IL31RA: variants seen among roughly 807,000 people sequenced by gnomAD.
The protein encoded by IL31RA is interleukin 31 receptor A.
A neutral mutation model predicts 83.7 loss-of-function variants in IL31RA; 66 were observed. The ratio of observed to expected loss-of-function variants is 0.79; its 90% confidence interval spans 0.65 to 0.97. The LOEUF is 0.97. Ranked by LOEUF, IL31RA falls within the 50% of genes least tolerant of loss-of-function variation. The pLI is 0.00. For synonymous variants in IL31RA, 325 were observed against 329.0 expected, an observed-to-expected ratio of 0.99 and a Z score of 0.13; for missense variants, 798 against 919.4, an observed-to-expected ratio of 0.87 and a Z score of 1.71.
chr5:55,913,065 G>A (rs1749588569), intron 12 of IL31RA, among the ~76,000 whole-genome samples: 1 of 150,866 alleles, frequency 6.6e-6, no homozygotes, highest in African/African-American at 2.5e-5. Context: ...TAGATGGGGA[G>A]GCACAAAATT....
Position 55,897,000 on chromosome 5 carries a change from A to AATATATATAT in IL31RA, c.852+578_852+587dup, listed in dbSNP as rs1554017680. ...CCCAGCTAATTAAAAAAAAAAAAAAAATATATATATATATATTTTTTTTTT... is the reference window on the plus strand; with the variant it reads ...CCCAGCTAATTAAAAAAAAAAAAAAAATATATATATATATATATATATATATTTTTTTTTT... On this transcript the variant is annotated intron_variant, in intron 7 of 14. Transcript: ENST00000652347. 7.9e-3 allele frequency among the ~76,000 whole-genome samples: 2 copies of AATATATATAT among 252 alleles called. 1 individual carries two copies. Among genetic ancestry groups the AATATATATAT allele is most frequent in the South Asian group, 0.5 (2 of 4 alleles). The allele number at this position is 252 out of a possible 152,430, so 0.2% of individuals were successfully genotyped here. A position where few individuals can be genotyped will look rare whatever the true frequency, so the allele number is the denominator to read the frequency against.
intron 5 of IL31RA, among the ~76,000 whole-genome samples, chr5:55,889,159 A>G (rs976247638): frequency 2.6e-5 from 4 of 152,176 alleles, no homozygotes; most frequent in Admixed American, 6.5e-5. Flanking sequence ...AAATGTTTAT[A>G]TTGAACTAAA....
upstream of IL31RA, among the ~76,000 whole-genome samples, chr5:55,848,759 G>T (rs1202345930): frequency 2.0e-5 from 3 of 152,086 alleles, no homozygotes; most frequent in Admixed American, 6.5e-5. Flanking sequence ...GAGATGGGGG[G>T]GCTGCCTCAG....
At chr5:55,846,980 C>T (rs1003541911), upstream of IL31RA, among the ~76,000 whole-genome samples, 1 of 151,812 alleles carries the variant, frequency 6.6e-6, no homozygotes, top group Non-Finnish European at 1.5e-5. Flanking sequence ...CATGGTGGCT[C>T]ACACCTGTAA....
intron 6 of IL31RA, 30 bp from the exon 7 acceptor site, chr5:55,896,320 G>T: frequency 6.7e-7 from 1 of 1,496,448 alleles, no homozygotes; most frequent in African/African-American, 1.4e-5. Flanking sequence ...CTTATCTCTG[G>T]GTTGAGTACC....
chr5:55,920,655 A>G lies in IL31RA; in HGVS notation c.*3535A>G, dbSNP rs1750047367. Among the ~76,000 whole-genome samples, 1 of 152,242 alleles carries G rather than the reference A, an allele frequency of 6.6e-6. No individual in the cohort carries two copies. The highest frequency in any genetic ancestry group is 1.5e-5 in the Non-Finnish European group (1 of 68,032). ...TGGACGCCTACCATAACCCACAGAC[A>G]TGAAACTCAGACTGCCACTATGTTT... On this transcript the variant is annotated 3_prime_UTR_variant, in exon 15 of 15. Coordinates refer to ENST00000652347, the MANE Select transcript of IL31RA (RefSeq NM_139017.7).
At chr5:55,855,875 C>A (rs1340421593) in intron 1 of IL31RA, among the ~76,000 whole-genome samples, 1 of 152,090 alleles carries the variant, frequency 6.6e-6, no homozygotes, top group Non-Finnish European at 1.5e-5. Context: ...GTTTACATCT[C>A]TTTTGTTGTT....
intron 12 of IL31RA, among the ~76,000 whole-genome samples, chr5:55,911,533 C>CCCA (rs1291148021): frequency 6.6e-6 from 1 of 151,984 alleles, no homozygotes; most frequent in Non-Finnish European, 1.5e-5. Flanking sequence ...ATTTAACTTA[C>CCCA]CCACTTTTAC....
intron 6 of IL31RA, among the ~76,000 whole-genome samples, chr5:55,892,720 G>A (rs559583746): frequency 6.6e-5 from 10 of 152,238 alleles, no homozygotes; most frequent in African/African-American, 1.7e-4. Context: ...TGGTGCCATC[G>A]TGGCTCAGAG....
rs953653716 is a variant in IL31RA at position 55,919,035 on chromosome 5, C to A, written c.*1915C>A. 6.6e-6 allele frequency among the ~76,000 whole-genome samples: 1 copy of A among 152,172 alleles called. No homozygotes were observed. The highest frequency in any genetic ancestry group is 1.5e-5 in the Non-Finnish European group (1 of 68,032). ...CTCCCTGCTCTCCCTGTTCTCCACC[C>A]CTTCTATGGTGTGGGCTCTTCTGTG... On this transcript the variant is annotated 3_prime_UTR_variant, in exon 15 of 15. Transcript: ENST00000652347.
chr5:55,854,693 C>T (rs1053836141), intron 1 of IL31RA, among the ~76,000 whole-genome samples: 2 of 150,038 alleles, frequency 1.3e-5, no homozygotes, highest in East Asian at 1.9e-4. Flanking sequence ...TGCAGTGAAC[C>T]GAGACTGCAC....
chr5:55,839,809 CT>C, the IL31RA span: 1 of 764,330 alleles, frequency 1.3e-6, no homozygotes, highest in Admixed American at 1.7e-5. Flanking sequence ...TTTCTCTGTC[CT>C]TTTTCAGGGC....
In IL31RA at chr5:55,910,796, C is replaced by T. The variant is rs537886590; in HGVS notation, c.1642+124C>T. The T allele has an allele frequency of 4.2e-5, 45 of 1,083,180 alleles. 1 individual carries two copies. In the African/African-American group the frequency reaches 5.1e-4, roughly 12 times the overall value. The allele number at this position is 1,083,180 out of a possible 1,614,324, so 67.1% of individuals were successfully genotyped here. A position where few individuals can be genotyped will look rare whatever the true frequency, so the allele number is the denominator to read the frequency against. ...GGGCAGTGCCTAGTGCCCTGCCATC[C>T]TGCTCTCTGTTCACCAACCTTCCTG... On this transcript the variant is annotated intron_variant, in intron 12 of 14. Transcript: ENST00000652347.
chr5:55,914,171 C>T (rs1005849744), intron 13 of IL31RA, among the ~76,000 whole-genome samples: 2 of 152,232 alleles, frequency 1.3e-5, no homozygotes, highest in African/African-American at 2.4e-5. Flanking sequence ...CCTGGTTGAG[C>T]TGTCTCTCCA....
chr5:55,872,043 G>A (rs1246573142), intron 3 of IL31RA, among the ~76,000 whole-genome samples: 1 of 152,046 alleles, frequency 6.6e-6, no homozygotes, highest in Non-Finnish European at 1.5e-5. Context: ...GATCCAAAGA[G>A]GTTTTCATGG....
chr5:55,913,426 G>A lies in IL31RA; in HGVS notation c.1643-51G>A, dbSNP rs748242304. 2.7e-6 allele frequency: 3 copies of A among 1,125,526 alleles called. No individual in the cohort carries two copies. The African/African-American group carries it at 4.6e-5, about 17-fold the overall frequency. 69.7% of individuals were successfully genotyped at this position (1,125,526 alleles called of 1,614,324 possible). A position where few individuals can be genotyped will look rare whatever the true frequency, so the allele number is the denominator to read the frequency against. On this transcript the variant is annotated intron_variant, in intron 12 of 14. Transcript: ENST00000652347. Reference sequence around the variant, plus strand: ...AAGAAAAAGTTAATCATTGATTTTTGTCAAGAAGGTGAGGAACTCACTACT... The same window carrying A: ...AAGAAAAAGTTAATCATTGATTTTTATCAAGAAGGTGAGGAACTCACTACT...
In IL31RA at chr5:55,918,745, T is replaced by A. The variant is rs941195952; in HGVS notation, c.*1625T>A. ...TCGTTACTGTGGGCACAGGAAGGTG[T>A]GGCTGCTCTCTCAAAGCTCTGTCCT... On this transcript the variant is annotated 3_prime_UTR_variant, in exon 15 of 15. Transcript: ENST00000652347. 3.3e-5 allele frequency among the ~76,000 whole-genome samples: 5 copies of A among 152,114 alleles called. No homozygotes were observed. Among genetic ancestry groups the A allele is most frequent in the African/African-American group, 4.8e-5 (2 of 41,390 alleles).
At chr5:55,907,880 A>T (rs1749252948) in intron 10 of IL31RA, among the ~76,000 whole-genome samples, 1 of 152,192 alleles carries the variant, frequency 6.6e-6, no homozygotes. Context: ...CTTTACTTTT[A>T]TCTTTTTGGA....
intron 6 of IL31RA, among the ~76,000 whole-genome samples, chr5:55,894,628 A>T (rs1441655912): frequency 2.6e-5 from 4 of 152,212 alleles, no homozygotes; most frequent in African/African-American, 4.8e-5. Flanking sequence ...ACTCTCCATT[A>T]AAGGCAAAAC....
Sources: gnomAD v4.1 joint callset for allele counts (sites outside exome capture counted in the v4.1 genomes callset) on GRCh38, gnomAD v4.1.1 for gene constraint, MANE v1.5 for transcripts, NCBI Gene and HGNC (gene_info 2026-07-23, HGNC 2026-07-21) for gene names.